The following LRCH1 variants were observed in gnomAD, a reference collection of about 807,000 sequenced individuals.
LRCH1 encodes leucine-rich repeat and calponin homology domain-containing protein 1.
A neutral mutation model predicts 94.9 loss-of-function variants in LRCH1; 23 were observed. That is an observed-to-expected ratio of 0.24 (90% CI 0.17 to 0.34). LRCH1 has a LOEUF of 0.34. Among genes scored for constraint, LRCH1 ranks in the 10% least tolerant of loss-of-function variants. The pLI, the probability that LRCH1 is intolerant of heterozygous loss-of-function variation, is 1.00. For missense variants in LRCH1, 790 were observed against 945.9 expected (o/e 0.84, Z 2.16); for synonymous variants, 364 against 354.9 (o/e 1.03, Z -0.29).
chr13:46,654,460 A>G (rs1330449619), intron 2 of LRCH1, among the ~76,000 whole-genome samples: 1 of 152,216 alleles, frequency 6.6e-6, no homozygotes, highest in Non-Finnish European at 1.5e-5. Context: ...AGAGACTGCC[A>G]ATCCCCTCAC....
chr13:46,729,866 A>AG (rs1242825379), intron 18 of LRCH1, among the ~76,000 whole-genome samples: 1 of 152,226 alleles, frequency 6.6e-6, no homozygotes, highest in Non-Finnish European at 1.5e-5. Flanking sequence ...ACTGCACTCA[A>AG]GGACTCATTG....
intron 2 of LRCH1, among the ~76,000 whole-genome samples, chr13:46,666,196 A>C (rs2051513337): frequency 6.6e-6 from 1 of 152,222 alleles, no homozygotes; most frequent in Non-Finnish European, 1.5e-5. Context: ...TGGAACATAA[A>C]TATGAGATAG....
chr13:46,670,257 C>A (rs1056618673), intron 3 of LRCH1, among the ~76,000 whole-genome samples: 6 of 152,188 alleles, frequency 3.9e-5, no homozygotes, highest in African/African-American at 1.4e-4. Context: ...CTAGCTCACA[C>A]CAAAAGTCAG....
intron 1 of LRCH1, among the ~76,000 whole-genome samples, chr13:46,649,816 G>A (rs1271219610): frequency 4.1e-5 from 6 of 147,476 alleles, no homozygotes; most frequent in Non-Finnish European, 7.4e-5. Flanking sequence ...GCAACCAAGT[G>A]AGATCCTGTC....
At position 46,685,911 on chromosome 13, in the gene LRCH1, T is replaced by C; in HGVS notation, c.692T>C (p.Val231Ala). 1 of 1,587,098 alleles carries C rather than the reference T, an allele frequency of 6.3e-7. No homozygotes were observed. The highest frequency in any genetic ancestry group is 1.2e-5 in the South Asian group (1 of 84,894). ...NYLKVLPQEL[V>A]DLSLVKFDFS... ...CTTTTTTCTATTATTTTAGAACTAGTAGATCTTTCCTTGGTAAAGTTTGAC... is the reference window on the plus strand; with the variant it reads ...CTTTTTTCTATTATTTTAGAACTAGCAGATCTTTCCTTGGTAAAGTTTGAC... The change falls in exon 5 of 20, where the codon GTA becomes GCA. Residue 231 changes from valine to alanine, a missense_variant. Physicochemically the swap from Val to Ala is moderately conservative, Grantham distance 64. Transcript: ENST00000389797.
rs997633982 is a variant in LRCH1, at chr13:46,742,467, C to T, written c.*619C>T. The T allele has an allele frequency of 6.1e-6, 6 of 986,486 alleles. No homozygotes were observed. The highest frequency in any genetic ancestry group is 7.2e-6 in the Non-Finnish European group (6 of 830,780). 61.1% of individuals were successfully genotyped at this position (986,486 alleles called of 1,614,324 possible). ...TTCCTAAAAAGGGAGCCGCGAAGGGCGCTGGGCAGTGTGGCCGCCAACTTC... is the reference window on the plus strand; with the variant it reads ...TTCCTAAAAAGGGAGCCGCGAAGGGTGCTGGGCAGTGTGGCCGCCAACTTC... On this transcript the variant is annotated 3_prime_UTR_variant, in exon 20 of 20. Transcript: ENST00000389797.
intron 2 of LRCH1, among the ~76,000 whole-genome samples, chr13:46,654,004 G>T (rs1423586881): frequency 6.6e-6 from 1 of 152,190 alleles, no homozygotes; most frequent in East Asian, 1.9e-4. Context: ...ATATTTATCA[G>T]ATTTGATGTT....
intron 3 of LRCH1, among the ~76,000 whole-genome samples, chr13:46,676,839 A>G (rs887462278): frequency 1.3e-5 from 2 of 152,122 alleles, no homozygotes; most frequent in Non-Finnish European, 2.9e-5. Context: ...ATGCAGTGCC[A>G]TGGTCACAGC....
At chr13:46,577,468 A>G (rs2050317064) in intron 1 of LRCH1, among the ~76,000 whole-genome samples, 1 of 152,204 alleles carries the variant, frequency 6.6e-6, no homozygotes, top group South Asian at 2.1e-4. Flanking sequence ...CCTTAATTAT[A>G]TTTGCAAAAT....
In LRCH1 at chr13:46,575,341, C is replaced by G. The variant is rs115620737; in HGVS notation, c.307+21638C>G. ...CGTATGACTTAGAGTCACAGAACCA[C>G]AAGATGCGTGTGTGATTATCTAAAT... On this transcript the variant is annotated intron_variant, in intron 1 of 19. Transcript: ENST00000389797. 2.3e-3 allele frequency among the ~76,000 whole-genome samples: 354 copies of G among 152,244 alleles called. 1 individual carries two copies. Among genetic ancestry groups the G allele is most frequent in the African/African-American group, 8.1e-3 (335 of 41,534 alleles).
At chr13:46,680,941 G>A (rs1484685486) in intron 3 of LRCH1, among the ~76,000 whole-genome samples, 2 of 152,200 alleles carry the variant, frequency 1.3e-5, no homozygotes, top group African/African-American at 4.8e-5. Context: ...AGGAGTAGCT[G>A]GGGGTGTGTG....
At chr13:46,750,659 C>T in exon 19 of LRCH1, 1 of 1,531,054 alleles carries the variant, frequency 6.5e-7, no homozygotes, top group Non-Finnish European at 8.9e-7. Flanking sequence ...GAAACTACCC[C>T]TTCTCCATTG....
intron 2 of LRCH1, among the ~76,000 whole-genome samples, chr13:46,658,199 T>C (rs1160050515): frequency 6.6e-6 from 1 of 152,230 alleles, no homozygotes; most frequent in African/African-American, 2.4e-5. Flanking sequence ...TTGTTATTTC[T>C]AATACTATAA....
At position 46,728,940 on chromosome 13, in the gene LRCH1, C is replaced by T. The variant is rs138553983; in HGVS notation, c.1963C>T (p.Arg655Cys). The change falls in exon 18 of 20, where the codon CGC becomes TGC. Residue 655 changes from arginine (R) to cysteine (C), a missense_variant. This residue lies in a region of LRCH1 where 460 missense variants were observed against 508.9 expected (regional missense o/e 0.90). Transcript: ENST00000389797. ...VVLCHLVNHI[R>C]PRSVASIHVP... ...CCTCTGCCATCTGGTCAACCACATCCGCCCACGGTCGGTTGCAAGCATCCA... is the reference window on the plus strand; with the variant it reads ...CCTCTGCCATCTGGTCAACCACATCTGCCCACGGTCGGTTGCAAGCATCCA... 4,007 of 1,613,542 alleles carry T rather than the reference C, an allele frequency of 2.5e-3. 6 individuals carry two copies. The highest frequency in any genetic ancestry group is 2.7e-3 in the Non-Finnish European group (3,200 of 1,179,708).
chr13:46,580,436 C>T (rs1471084729), intron 1 of LRCH1, among the ~76,000 whole-genome samples: 1 of 152,224 alleles, frequency 6.6e-6, no homozygotes, highest in Non-Finnish European at 1.5e-5. Flanking sequence ...GAAACTACTG[C>T]AGCGAAACTG....
At chr13:46,579,829 G>A (rs1419926468) in intron 1 of LRCH1, among the ~76,000 whole-genome samples, 2 of 152,200 alleles carry the variant, frequency 1.3e-5, no homozygotes, top group African/African-American at 4.8e-5. Context: ...TGTTTCAGAA[G>A]CATCTGTCAA....
chr13:46,592,646 A>G (rs1045698713), intron 1 of LRCH1, among the ~76,000 whole-genome samples: 1 of 152,196 alleles, frequency 6.6e-6, no homozygotes, highest in Admixed American at 6.5e-5. Flanking sequence ...GTATGTTTTA[A>G]ATGGTACTTA....
chr13:46,655,495 CTG>C (rs1477564501), intron 2 of LRCH1, among the ~76,000 whole-genome samples: 3 of 152,240 alleles, frequency 2.0e-5, no homozygotes, highest in African/African-American at 7.2e-5. Flanking sequence ...ATATGTGCCA[CTG>C]TGTCTTTTCC....
chr13:46,612,342 C>T (rs906271655), intron 1 of LRCH1, among the ~76,000 whole-genome samples: 2 of 152,216 alleles, frequency 1.3e-5, no homozygotes, highest in Admixed American at 6.5e-5. Flanking sequence ...TTTGTATACA[C>T]GGTTATGAAG....
Sources: gnomAD v4.1 joint callset for allele counts (sites outside exome capture counted in the v4.1 genomes callset) on GRCh38, gnomAD v4.1.1 for gene constraint, gnomAD v4.1.1 regional missense constraint, MANE v1.5 for transcripts, NCBI Gene and HGNC (gene_info 2026-07-23, HGNC 2026-07-21) for gene names.